DMD: variants seen among roughly 807,000 people sequenced by gnomAD.
DMD encodes the protein mutant dystrophin.
In DMD, 63 loss-of-function variants were observed where a neutral mutation model predicts 330.1. The ratio of observed to expected loss-of-function variants is 0.19; its 90% CI spans 0.16 to 0.24. The LOEUF is 0.24. Ranked by LOEUF, DMD falls within the 10% of genes least tolerant of loss-of-function variation. The probability of loss-of-function intolerance (pLI) is 1.00; values close to 1 mark genes in which losing one functional copy is unlikely to be tolerated. For synonymous variants in DMD, 1,223 were observed against 959.8 expected (o/e 1.27, Z -5.07); for missense variants, 3,344 against 2,684.1 (o/e 1.25, Z -5.43).
chrX:31,850,790 T>C (rs2093510580), intron 48 of DMD, among the ~76,000 whole-genome samples: 1 of 112,554 alleles, frequency 8.9e-6, no homozygotes, highest in Non-Finnish European at 1.9e-5. Context: ...AATTTTGTCA[T>C]TGTTTGTTAC....
At chrX:32,098,432 T>C (rs2096523208) in intron 44 of DMD, among the ~76,000 whole-genome samples, 1 of 112,035 alleles carries the variant, frequency 8.9e-6, no homozygotes, top group Non-Finnish European at 1.9e-5. Flanking sequence ...CCAGGTACTA[T>C]ACTGATGGCA....
intron 1 of DMD, among the ~76,000 whole-genome samples, chrX:33,169,691 C>A (rs1041847997): frequency 7.2e-5 from 8 of 111,399 alleles, no homozygotes; most frequent in African/African-American, 2.3e-4. Context: ...TTTGTATTTC[C>A]TTTTTAATTT....
At chrX:33,061,963 A>G (rs2094586333) in intron 1 of DMD, among the ~76,000 whole-genome samples, 1 of 111,920 alleles carries the variant, frequency 8.9e-6, no homozygotes, top group Admixed American at 9.5e-5. Context: ...GTTAATACTG[A>G]TATGTAACAA....
intron 1 of DMD, among the ~76,000 whole-genome samples, chrX:33,021,585 C>G (rs1031295747): frequency 8.1e-5 from 9 of 111,287 alleles, no homozygotes; most frequent in African/African-American, 2.9e-4. Context: ...GAATCACTTT[C>G]GCATAACAAA....
At chrX:31,277,298 T>C (rs979649959) in intron 62 of DMD, among the ~76,000 whole-genome samples, 8 of 111,741 alleles carry the variant, frequency 7.2e-5, no homozygotes, top group Non-Finnish European at 1.3e-4. Flanking sequence ...TAACCGAAGT[T>C]TCATATCCTT....
chrX:31,983,729 A>G (rs1317855543), intron 44 of DMD, among the ~76,000 whole-genome samples: 1 of 112,288 alleles, frequency 8.9e-6, no homozygotes, highest in Non-Finnish European at 1.9e-5. Context: ...ACTATGCCAA[A>G]GAATAATTGC....
At chrX:33,201,137 G>A (rs2148827695) in intron 1 of DMD, among the ~76,000 whole-genome samples, 1 of 109,703 alleles carries the variant, frequency 9.1e-6, no homozygotes, top group African/African-American at 3.3e-5. Flanking sequence ...CACCATGTTG[G>A]CCAGGCTGGT....
chrX:32,454,904 G>A (rs2098350227), intron 25 of DMD, 72 bp from the exon 26 acceptor site: 2 of 1,109,418 alleles, frequency 1.8e-6, no homozygotes, highest in Non-Finnish European at 2.4e-6. Flanking sequence ...TATTTCATCA[G>A]TATGTAAATA....
At chrX:33,050,272 C>A (rs1381143429) in intron 1 of DMD, among the ~76,000 whole-genome samples, 1 of 111,633 alleles carries the variant, frequency 9.0e-6, no homozygotes, top group Non-Finnish European at 1.9e-5. Flanking sequence ...GTTCTCTATG[C>A]TGCCTTGCTT....
At chrX:31,873,440 C>G (rs1335796583) in intron 48 of DMD, among the ~76,000 whole-genome samples, 1 of 112,074 alleles carries the variant, frequency 8.9e-6, no homozygotes, top group African/African-American at 3.2e-5. Context: ...CTAGAATATT[C>G]TCAAACTTCC....
intron 29 of DMD, among the ~76,000 whole-genome samples, chrX:32,415,752 C>A (rs1181706868): frequency 9.0e-6 from 1 of 111,328 alleles, no homozygotes; most frequent in African/African-American, 3.3e-5. Flanking sequence ...TAATAACTGG[C>A]GATCAATGAC....
rs191595161 is a variant in DMD, at chrX:33,180,944, G to A, written c.31+30338C>T. ...ATCACTTGAGATCCCAAAACTAACT[G>A]TATCTGAAGTAAGTAATACCTCTTC... On this transcript the variant is annotated intron_variant, in intron 1 of 78. Coordinates refer to ENST00000357033, the MANE Select transcript of DMD (RefSeq NM_004006.3). 1.5e-3 allele frequency among the ~76,000 whole-genome samples: 157 copies of A among 106,960 alleles called. 4 individuals are homozygous for A. Among genetic ancestry groups the A allele is most frequent in the Admixed American group, 4.6e-3 (45 of 9,838 alleles). The allele number at this position is 106,960 out of a possible 115,157, so 92.9% of individuals were successfully genotyped here. A position where few individuals can be genotyped will look rare whatever the true frequency, so the allele number is the denominator to read the frequency against.
chrX:32,315,043 T>C (rs1254855598), intron 41 of DMD, among the ~76,000 whole-genome samples: 4 of 111,643 alleles, frequency 3.6e-5, no homozygotes, highest in Non-Finnish European at 7.5e-5. Flanking sequence ...ACTGGATATA[T>C]ACCCAAAGGA....
At chrX:32,225,750 C>T (rs1313671834) in intron 43 of DMD, among the ~76,000 whole-genome samples, 2 of 106,503 alleles carry the variant, frequency 1.9e-5, no homozygotes, top group African/African-American at 3.4e-5. Flanking sequence ...TCTCTGCTTT[C>T]GCCATGTGAA....
intron 67 of DMD, among the ~76,000 whole-genome samples, chrX:31,183,674 GGATT>G (rs1161917604): frequency 9.1e-6 from 1 of 109,841 alleles, no homozygotes; most frequent in African/African-American, 3.3e-5. Flanking sequence ...CAACCCTATA[GGATT>G]GTTTTAATTT....
rs762961147 is a variant in DMD at position 33,092,260 on chromosome X, T to G, written c.32-72060A>C. ...AATTAAGGCATAATCTCTAGAAAAA[T>G]GTTTTTTAAAAGTTGTGCTTTATAA... is the stretch of plus-strand genomic sequence containing the variant. On this transcript the variant is annotated intron_variant, in intron 1 of 78. Coordinates refer to ENST00000357033, the MANE Select transcript of DMD (RefSeq NM_004006.3). Among the ~76,000 whole-genome samples the G allele has an allele frequency of 1.1e-4, 12 of 111,897 alleles. 1 individual carries two copies. In the Admixed American group the frequency reaches 1.1e-3, roughly 11 times the overall value.
At chrX:32,620,583 G>A (rs775165499) in intron 11 of DMD, among the ~76,000 whole-genome samples, 4 of 112,131 alleles carry the variant, frequency 3.6e-5, no homozygotes, top group Non-Finnish European at 3.8e-5. Context: ...CAACAGAGAT[G>A]AGATATCCAT....
intron 44 of DMD, among the ~76,000 whole-genome samples, chrX:32,122,597 CTG>C (rs1323740685): frequency 9.0e-6 from 1 of 111,425 alleles, no homozygotes; most frequent in Non-Finnish European, 1.9e-5. Flanking sequence ...ATACATCTCT[CTG>C]TGCCCCCTGC....
chrX:32,327,341 A>G (rs1433679617), intron 41 of DMD, among the ~76,000 whole-genome samples: 1 of 111,478 alleles, frequency 9.0e-6, no homozygotes, highest in East Asian at 2.8e-4. Context: ...TAAAAAATCA[A>G]TTTTGGGAAT....
Sources: allele counts gnomAD v4.1 joint callset (sites outside exome capture counted in the v4.1 genomes callset), GRCh38; gene constraint gnomAD v4.1.1; transcripts MANE v1.5; gene names NCBI Gene and HGNC (gene_info 2026-07-23, HGNC 2026-07-21).